The following PLXNA4 variants were observed in gnomAD, a reference collection of about 807,000 sequenced individuals.
PLXNA4 encodes plexin A4.
PLXNA4 carries 44 observed loss-of-function variants against 191.8 expected under a neutral mutation model. The observed-to-expected ratio is 0.23, with a 90% confidence interval of 0.18 to 0.29. The LOEUF is 0.29. PLXNA4 is among the 10% of genes least tolerant of loss of function. PLXNA4 has a pLI of 1.00. For synonymous variants in PLXNA4, 1,082 were observed against 1,009.5 expected, an observed-to-expected ratio of 1.07 and a Z score of -1.36; for missense variants, 1,800 against 2,488.8, an observed-to-expected ratio of 0.72 and a Z score of 5.89.
intron 9 of PLXNA4, 140 bp from the exon 10 acceptor site, chr7:132,211,283 AC>A: frequency 1.2e-6 from 1 of 820,486 alleles, no homozygotes; most frequent in Non-Finnish European, 1.9e-6. Context: ...GCTCGTGCCC[AC>A]CCAGTGGGCA....
chr7:132,535,529 C>CCCTTGGTATT (rs1356415472), intron 1 of PLXNA4, among the ~76,000 whole-genome samples: 2 of 152,126 alleles, frequency 1.3e-5, no homozygotes, highest in African/African-American at 4.8e-5. Context: ...AGTTGGGGCT[C>CCCTTGGTATT]CAGAGGAAAG....
chr7:132,342,930 G>C (rs1431238624), intron 3 of PLXNA4, among the ~76,000 whole-genome samples: 1 of 134,758 alleles, frequency 7.4e-6, no homozygotes, highest in African/African-American at 2.8e-5. Context: ...CTGGGCAACA[G>C]AGTGAGACTC....
chr7:132,193,787 A>G (rs776486073), intron 14 of PLXNA4, among the ~76,000 whole-genome samples: 6 of 152,188 alleles, frequency 3.9e-5, no homozygotes, highest in Non-Finnish European at 8.8e-5. Context: ...CCACACTGCC[A>G]TGCACCCACC....
chr7:132,132,980 G>A (rs1795012495), intron 31 of PLXNA4, 69 bp downstream of exon 31: 6 of 1,564,376 alleles, frequency 3.8e-6, no homozygotes, highest in Non-Finnish European at 5.2e-6. Flanking sequence ...CTTATACGGA[G>A]GCATGCAGGG....
At chr7:132,330,251 G>A (rs1802539211) in intron 3 of PLXNA4, among the ~76,000 whole-genome samples, 1 of 152,196 alleles carries the variant, frequency 6.6e-6, no homozygotes, top group Non-Finnish European at 1.5e-5. Flanking sequence ...GACATGGTGG[G>A]AAGAAGGTGA....
At chr7:132,336,690 C>A (rs1802832640) in intron 3 of PLXNA4, among the ~76,000 whole-genome samples, 1 of 152,232 alleles carries the variant, frequency 6.6e-6, no homozygotes, top group East Asian at 1.9e-4. Context: ...GGGAGCGAAT[C>A]ACTAGCAAAG....
intron 3 of PLXNA4, among the ~76,000 whole-genome samples, chr7:132,318,899 A>T (rs528829678): frequency 6.6e-6 from 1 of 152,004 alleles, no homozygotes; most frequent in Non-Finnish European, 1.5e-5. Flanking sequence ...TCTCTGTTGA[A>T]TTCTGCATTT....
intron 9 of PLXNA4, among the ~76,000 whole-genome samples, chr7:132,218,202 G>A (rs1035808692): frequency 1.3e-5 from 2 of 152,142 alleles, no homozygotes; most frequent in South Asian, 2.1e-4. Context: ...TTTTGATAAC[G>A]GATTTCATCC....
intron 4 of PLXNA4, among the ~76,000 whole-genome samples, chr7:132,291,169 T>A (rs1800877254): frequency 6.6e-6 from 1 of 152,158 alleles, no homozygotes; most frequent in South Asian, 2.1e-4. Flanking sequence ...ACATGCCGTC[T>A]CTGGCCTCTG....
intron 3 of PLXNA4, chr7:132,384,188 T>C: frequency 1.0e-6 from 1 of 985,408 alleles, no homozygotes; most frequent in Non-Finnish European, 1.2e-6. Context: ...AGAATTACAC[T>C]GTTGTGTATC....
At chr7:132,365,360 T>TGTGTGTGTGTGTGC in intron 3 of PLXNA4, among the ~76,000 whole-genome samples, 14 of 128,828 alleles carry the variant, frequency 1.1e-4, no homozygotes, top group African/African-American at 4.1e-4. Flanking sequence ...TGTGTGTGTG[T>TGTGTGTGTGTGTGC]GCGTGCGCGC....
intron 3 of PLXNA4, among the ~76,000 whole-genome samples, chr7:132,375,293 C>T (rs908934700): frequency 9.0e-5 from 12 of 132,840 alleles, no homozygotes; most frequent in East Asian, 4.2e-4. Flanking sequence ...CCCCCCCCCA[C>T]GCCCCAGCCC....
At chr7:132,523,481 C>T (rs111942260) in intron 1 of PLXNA4, among the ~76,000 whole-genome samples, 4 of 152,136 alleles carry the variant, frequency 2.6e-5, no homozygotes, top group Non-Finnish European at 5.9e-5. Context: ...GGCAGAAGGC[C>T]GACGGGCTGG....
At chr7:132,272,171 G>A (rs1800101964) in intron 4 of PLXNA4, among the ~76,000 whole-genome samples, 1 of 152,148 alleles carries the variant, frequency 6.6e-6, no homozygotes, top group Non-Finnish European at 1.5e-5. Flanking sequence ...TCGCAAACAT[G>A]TTTTATGTCC....
At chr7:132,329,329 C>T (rs565088834) in intron 3 of PLXNA4, among the ~76,000 whole-genome samples, 1 of 152,310 alleles carries the variant, frequency 6.6e-6, no homozygotes, top group African/African-American at 2.4e-5. Flanking sequence ...GGAATGCTCG[C>T]CCTCTCCCTG....
chr7:132,287,672 C>A (rs1383655944), intron 4 of PLXNA4, among the ~76,000 whole-genome samples: 1 of 152,156 alleles, frequency 6.6e-6, no homozygotes, highest in Non-Finnish European at 1.5e-5. Context: ...ATGTCAGAGA[C>A]TTTTGCCTAC....
chr7:132,523,778 A>AG (rs141683691), intron 1 of PLXNA4, among the ~76,000 whole-genome samples: 1,889 of 152,148 alleles, frequency 0.012, 50 homozygotes, highest in African/African-American at 0.043. Flanking sequence ...TGTGGAAACA[A>AG]GGGGGGCGGA....
intron 3 of PLXNA4, among the ~76,000 whole-genome samples, chr7:132,367,147 T>C (rs1173852146): frequency 3.3e-5 from 5 of 152,232 alleles, no homozygotes; most frequent in Admixed American, 2.6e-4. Flanking sequence ...ACATGGGCTC[T>C]ACATGTGGAT....
chr7:132,318,308 C>T (rs1288857706), intron 3 of PLXNA4, among the ~76,000 whole-genome samples: 1 of 152,202 alleles, frequency 6.6e-6, no homozygotes, highest in East Asian at 1.9e-4. Context: ...CCCATCTGCT[C>T]ACTAAAGGGG....
Sources: allele counts gnomAD v4.1 joint callset (sites outside exome capture counted in the v4.1 genomes callset), GRCh38; gene constraint gnomAD v4.1.1; transcripts MANE v1.5; gene names NCBI Gene and HGNC (gene_info 2026-07-23, HGNC 2026-07-21).